TBC1D31: variants seen among roughly 807,000 people sequenced by gnomAD.
TBC1D31 encodes the protein WD repeat domain 67.
TBC1D31 carries 99 observed loss-of-function variants against 132.9 expected under a neutral mutation model. That is an observed-to-expected ratio of 0.74 (90% CI 0.63 to 0.88). The LOEUF is 0.88. Among genes scored for constraint, TBC1D31 ranks in the 40% least tolerant of loss-of-function variants. The pLI is 0.00. For synonymous variants in TBC1D31, 385 were observed against 419.4 expected (o/e 0.92, Z 1.00); for missense variants, 1,134 against 1,256.6 (o/e 0.90, Z 1.48).
At chr8:123,086,005 T>A (rs1319889074) in intron 4 of TBC1D31, among the ~76,000 whole-genome samples, 1 of 152,194 alleles carries the variant, frequency 6.6e-6, no homozygotes, top group Non-Finnish European at 1.5e-5. Context: ...GGTAACCACC[T>A]TACCAGGGCT....
At chr8:123,119,403 A>G (rs1194169651) in intron 10 of TBC1D31, among the ~76,000 whole-genome samples, 1 of 152,200 alleles carries the variant, frequency 6.6e-6, no homozygotes, top group Non-Finnish European at 1.5e-5. Flanking sequence ...GCCCTACGAT[A>G]GAGATCATGT....
intron 7 of TBC1D31, 163 bp downstream of exon 7, chr8:123,101,170 G>A (rs1354407293): frequency 5.4e-6 from 3 of 554,408 alleles, no homozygotes; most frequent in Admixed American, 3.0e-5. Flanking sequence ...CTCTGGCCTT[G>A]ATTTCTCACG....
chr8:123,128,616 C>A lies in TBC1D31; in HGVS notation c.2117+103C>A. Reference sequence around the variant, plus strand: ...ATTTGGCTGAGCGCGGTGGCTCACGCCTATAGTCCCAGCACTTTGGGAGGC... The same window carrying A: ...ATTTGGCTGAGCGCGGTGGCTCACGACTATAGTCCCAGCACTTTGGGAGGC... On this transcript the variant is annotated intron_variant, in intron 14 of 21. Transcript: ENST00000287380. 3.4e-6 allele frequency: 3 copies of A among 892,448 alleles called. No homozygotes were observed. In the South Asian group the frequency reaches 5.2e-5, roughly 15 times the overall value. 55.3% of individuals were successfully genotyped at this position (892,448 alleles called of 1,614,324 possible).
intron 17 of TBC1D31, among the ~76,000 whole-genome samples, 200 bp from the exon 18 acceptor site, chr8:123,140,561 T>G (rs181339746): frequency 1.3e-5 from 2 of 152,300 alleles, no homozygotes; most frequent in East Asian, 3.9e-4. Flanking sequence ...ATCAGTGTTC[T>G]CAATGCTTTT....
chr8:123,133,916 AAACTT>A (rs1820844139), intron 16 of TBC1D31, among the ~76,000 whole-genome samples, 193 bp from the exon 17 acceptor site: 2 of 152,180 alleles, frequency 1.3e-5, no homozygotes, highest in East Asian at 1.9e-4. Flanking sequence ...TTTTTAAATT[AAACTT>A]AACTTTAACT....
At chr8:123,154,418 TGTG>T (rs1438881789), downstream of TBC1D31, among the ~76,000 whole-genome samples, 1 of 152,152 alleles carries the variant, frequency 6.6e-6, no homozygotes, top group Non-Finnish European at 1.5e-5. Context: ...TCAAAGAAGG[TGTG>T]GTTGCAGACC....
rs1820873198 is a variant in TBC1D31, at chr8:123,134,144, A to G, written c.2437A>G (p.Thr813Ala). The G allele has an allele frequency of 1.2e-6, 2 of 1,613,980 alleles. No individual in the cohort carries two copies. The highest frequency in any genetic ancestry group is 1.7e-6 in the Non-Finnish European group (2 of 1,179,966). The change falls in exon 17 of 22, where the codon ACA becomes GCA. Residue 813 changes from threonine to alanine, a missense_variant. By Grantham distance (58) the Thr-to-Ala change is moderately conservative. Transcript: ENST00000287380. ...TATGAGAGATCGAGAAATTGCTGCC[A>G]CAGCCAGAGACCTAGAAATGAGACA... The part of the protein sequence containing the change: ...VYMRDREIAA[T>A]ARDLEMRQLE...
At chr8:123,150,733 G>A (rs1822694069) in intron 21 of TBC1D31, among the ~76,000 whole-genome samples, 1 of 152,208 alleles carries the variant, frequency 6.6e-6, no homozygotes, top group Admixed American at 6.5e-5. Context: ...TTACAGAAAT[G>A]TAATCACAGC....
In TBC1D31 at chr8:123,084,192, G is replaced by A; in HGVS notation, c.371G>A (p.Gly124Glu). The change falls in exon 4 of 22, where the codon GGA becomes GAA. Residue 124 changes from glycine to glutamate, a missense_variant. By Grantham distance (98) the Gly-to-Glu change is moderately conservative (BLOSUM62 -2). Coordinates refer to ENST00000287380, the MANE Select transcript of TBC1D31 (RefSeq NM_145647.4). ...VTKELVSWMR[G>E]HESSVFSISV... ...AAGGAGCTAGTTAGCTGGATGAGAG[G>A]ACATGAATCATCAGTATTTTCGATC... 6.2e-7 allele frequency: 1 copy of A among 1,614,138 alleles called. No individual in the cohort carries two copies. The highest frequency in any genetic ancestry group is 1.1e-5 in the South Asian group (1 of 91,078).
chr8:123,074,034 AT>A lies in TBC1D31; in HGVS notation c.77+1198del, dbSNP rs1002335388. Among the ~76,000 whole-genome samples, 6 of 140,964 alleles carry A rather than the reference AT, an allele frequency of 4.3e-5. No homozygotes were observed. In the East Asian group the frequency reaches 6.4e-4, roughly 15 times the overall value. 92.5% of individuals were successfully genotyped at this position (140,964 alleles called of 152,430 possible). On this transcript the variant is annotated intron_variant, in intron 1 of 21. Transcript: ENST00000287380. ...TTTGGTTGCTTCTTGACAAATCAGA[AT>A]TTTTTTTTTCTCTTGAGACAGAGTC...
chr8:123,101,047 C>A, intron 7 of TBC1D31, 40 bp downstream of exon 7: 1 of 1,349,532 alleles, frequency 7.4e-7, no homozygotes, highest in Non-Finnish European at 1.1e-6. Context: ...TTTTTATAAA[C>A]ACTTATATAT....
At chr8:123,077,695 G>A (rs559050894) in intron 2 of TBC1D31, among the ~76,000 whole-genome samples, 18 of 152,138 alleles carry the variant, frequency 1.2e-4, no homozygotes, top group Admixed American at 2.0e-4. Flanking sequence ...AGGCAATGTA[G>A]AAATAACACA....
In TBC1D31 at chr8:123,140,820, T is replaced by C; in HGVS notation, c.2559T>C (p.Tyr853=). ...AAATGCGAGCAGATGCAGATGCCTATAGACGAAAAGTGGATCTTGAAGAAC... is the reference window on the plus strand; with the variant it reads ...AAATGCGAGCAGATGCAGATGCCTACAGACGAAAAGTGGATCTTGAAGAAC... ...AKEMRADADA[Y]RRKVDLEEHM... Residue 853 remains tyrosine, a synonymous_variant, in exon 18 of 22, where the codon TAT becomes TAC. Coordinates refer to ENST00000287380, the MANE Select transcript of TBC1D31 (RefSeq NM_145647.4). 6.2e-7 allele frequency: 1 copy of C among 1,613,658 alleles called. No individual in the cohort carries two copies. Among genetic ancestry groups the C allele is most frequent in the African/African-American group, 1.3e-5 (1 of 75,038 alleles).
At chr8:123,118,262 G>A (rs1819140774) in intron 10 of TBC1D31, among the ~76,000 whole-genome samples, 1 of 95,964 alleles carries the variant, frequency 1.0e-5, no homozygotes, top group East Asian at 2.3e-4. Context: ...TTAGTGAATA[G>A]CATGTGCCAG....
Position 123,140,889 on chromosome 8 carries a change from G to C in TBC1D31, c.2628G>C (p.Gln876His), listed in dbSNP as rs988530025. Residue 876 changes from glutamine (Q) to histidine (H), a missense_variant, in exon 18 of 22, where the codon CAG becomes CAC. Coordinates refer to ENST00000287380, the MANE Select transcript of TBC1D31 (RefSeq NM_145647.4). ...KLIEAGETQS[Q>H]KTQKVIKENL... The stretch of plus-strand genomic sequence containing the variant: ...TAGAAGCAGGTGAAACCCAGAGCCA[G>C]AAAACTCAGAAGGTAAAAATATGAT... The C allele has an allele frequency of 6.2e-6, 10 of 1,613,258 alleles. No individual in the cohort carries two copies. Among genetic ancestry groups the C allele is most frequent in the Non-Finnish European group, 8.5e-6 (10 of 1,179,790 alleles).
chr8:123,128,558 T>C, intron 14 of TBC1D31, 45 bp downstream of exon 14: 1 of 1,364,058 alleles, frequency 7.3e-7, no homozygotes, highest in Non-Finnish European at 1.0e-6. Flanking sequence ...ATGAAATATG[T>C]TATAAACATA....
the TBC1D31 span, among the ~76,000 whole-genome samples, chr8:123,157,380 T>G: frequency 6.6e-6 from 1 of 152,164 alleles, no homozygotes; most frequent in Non-Finnish European, 1.5e-5. Flanking sequence ...TTACTTTTAC[T>G]GCTGCTGTAA....
intron 11 of TBC1D31, among the ~76,000 whole-genome samples, chr8:123,122,544 G>C (rs772908839): frequency 3.9e-5 from 6 of 152,236 alleles, no homozygotes; most frequent in Non-Finnish European, 7.3e-5. Flanking sequence ...AAGTGGGACA[G>C]AGAGCTAGTC....
chr8:123,094,483 A>G (rs1295806414), intron 5 of TBC1D31, among the ~76,000 whole-genome samples: 1 of 152,082 alleles, frequency 6.6e-6, no homozygotes, highest in African/African-American at 2.4e-5. Context: ...GCGCTTTTGG[A>G]AATATAACCA....
Sources: allele counts gnomAD v4.1 joint callset (sites outside exome capture counted in the v4.1 genomes callset), GRCh38; gene constraint gnomAD v4.1.1; transcripts MANE v1.5; gene names NCBI Gene and HGNC (gene_info 2026-07-23, HGNC 2026-07-21).